Variants in AKAP19 observed in about 807,000 individuals in gnomAD.
AKAP19 encodes the protein small A-kinase anchoring protein.
chr2:190,059,538 C>A, the AKAP19 span, among the ~76,000 whole-genome samples: 1 of 151,828 alleles, frequency 6.6e-6, no homozygotes, highest in South Asian at 2.1e-4. Flanking sequence ...TCTTGAGAAA[C>A]CTTAAATATA....
the AKAP19 span, among the ~76,000 whole-genome samples, chr2:190,091,935 T>G: frequency 6.6e-6 from 1 of 152,128 alleles, no homozygotes; most frequent in East Asian, 1.9e-4. Context: ...AATATTTTTG[T>G]TTATCTACTC....
the AKAP19 span, among the ~76,000 whole-genome samples, chr2:189,952,001 A>G: frequency 9.2e-5 from 14 of 152,216 alleles, no homozygotes; most frequent in African/African-American, 3.1e-4. Flanking sequence ...AACTACACAA[A>G]CTGAAAACAA....
the AKAP19 span, among the ~76,000 whole-genome samples, chr2:189,995,243 T>C: frequency 6.6e-6 from 1 of 152,212 alleles, no homozygotes; most frequent in Non-Finnish European, 1.5e-5. Context: ...CCACTATTAA[T>C]GTGTTGCTAT....
the AKAP19 span, among the ~76,000 whole-genome samples, chr2:189,908,766 T>G: frequency 2.6e-5 from 4 of 152,144 alleles, no homozygotes; most frequent in Admixed American, 2.6e-4. Context: ...ACTTTTGTTG[T>G]GGCCTAACAT....
the AKAP19 span, among the ~76,000 whole-genome samples, chr2:190,001,311 G>GT: frequency 6.6e-6 from 1 of 152,136 alleles, no homozygotes; most frequent in Admixed American, 6.6e-5. Context: ...GTTAAATACA[G>GT]TATCGGGAGT....
chr2:190,005,751 C>A, the AKAP19 span, among the ~76,000 whole-genome samples: 1 of 152,280 alleles, frequency 6.6e-6, no homozygotes, highest in Admixed American at 6.5e-5. Flanking sequence ...GTGCTGTTTT[C>A]TTTGTAAATG....
the AKAP19 span, among the ~76,000 whole-genome samples, chr2:190,174,603 C>T: frequency 6.6e-6 from 1 of 152,078 alleles, no homozygotes; most frequent in African/African-American, 2.4e-5. Flanking sequence ...GTTTTTAACA[C>T]CCAAGGCAGT....
the AKAP19 span, among the ~76,000 whole-genome samples, chr2:189,956,881 C>G: frequency 6.6e-6 from 1 of 152,186 alleles, no homozygotes; most frequent in Non-Finnish European, 1.5e-5. Flanking sequence ...CCTCACCTGG[C>G]CAGTGTTAAT....
the AKAP19 span, among the ~76,000 whole-genome samples, chr2:189,941,325 G>A: frequency 9.2e-5 from 14 of 152,254 alleles, no homozygotes; most frequent in African/African-American, 3.1e-4. Flanking sequence ...GACAAACTTA[G>A]GATGTAATTG....
At chr2:190,174,905 A>G in the AKAP19 span, among the ~76,000 whole-genome samples, 1 of 152,374 alleles carries the variant, frequency 6.6e-6, no homozygotes, top group African/African-American at 2.4e-5. Flanking sequence ...ATGAAATTAT[A>G]TAAAGCACCA....
the AKAP19 span, among the ~76,000 whole-genome samples, chr2:190,036,583 C>T: frequency 8.5e-6 from 1 of 117,856 alleles, no homozygotes. Context: ...TAAGCTAAGA[C>T]AGGTTTTTGG....
chr2:189,952,225 C>G, the AKAP19 span, among the ~76,000 whole-genome samples: 1 of 152,148 alleles, frequency 6.6e-6, no homozygotes, highest in Non-Finnish European at 1.5e-5. Flanking sequence ...AACTTGTATG[C>G]TTTTTCCCTG....
the AKAP19 span, among the ~76,000 whole-genome samples, chr2:190,189,162 T>A: frequency 1.3e-5 from 2 of 152,110 alleles, no homozygotes; most frequent in East Asian, 3.9e-4. Context: ...ACAGGGGCAA[T>A]GAGAAGAAAG....
the AKAP19 span, among the ~76,000 whole-genome samples, chr2:190,175,694 A>C: frequency 6.6e-6 from 1 of 152,186 alleles, no homozygotes; most frequent in Non-Finnish European, 1.5e-5. Flanking sequence ...ATCACTTCTC[A>C]CTTCAGTGAC....
chr2:190,017,910 A>T, the AKAP19 span, among the ~76,000 whole-genome samples: 1 of 152,278 alleles, frequency 6.6e-6, no homozygotes, highest in African/African-American at 2.4e-5. Context: ...TTTATAAAGG[A>T]CAGCTTTTCT....
chr2:190,149,014 A>T, the AKAP19 span, among the ~76,000 whole-genome samples: 1 of 143,748 alleles, frequency 7.0e-6, no homozygotes, highest in African/African-American at 2.7e-5. Context: ...CCCAGGCTGG[A>T]GTGCAATGGC....
the AKAP19 span, among the ~76,000 whole-genome samples, chr2:190,170,790 G>A: frequency 0.33 from 49,858 of 151,860 alleles, 8,397 homozygotes; most frequent in African/African-American, 0.4. Context: ...TTTTCTTATC[G>A]CTTTTTGTAA....
chr2:189,888,140 A>C, the AKAP19 span, among the ~76,000 whole-genome samples: 2 of 152,086 alleles, frequency 1.3e-5, no homozygotes, highest in Non-Finnish European at 2.9e-5. Context: ...TGTATAAGGT[A>C]TAAGGAAGGG....
At chr2:190,184,622 G>A in the AKAP19 span, among the ~76,000 whole-genome samples, 4 of 152,130 alleles carry the variant, frequency 2.6e-5, no homozygotes, top group Admixed American at 1.3e-4. Context: ...GAGGAAGGGC[G>A]GGAGGAGGAC....
Sources: gnomAD v4.1 joint callset for allele counts (sites outside exome capture counted in the v4.1 genomes callset) on GRCh38, gnomAD v4.1.1 for gene constraint, MANE v1.5 for transcripts, NCBI Gene and HGNC (gene_info 2026-07-23, HGNC 2026-07-21) for gene names.